MIA2: variants seen among roughly 807,000 people sequenced by gnomAD.
MIA2 encodes MIA SH3 domain ER export factor 2.
Under a neutral mutation model 167.8 loss-of-function variants are expected in MIA2, and 127 were observed. The observed-to-expected ratio is 0.76, with a 90% CI of 0.66 to 0.88. MIA2 has a LOEUF of 0.88. Among genes scored for constraint, MIA2 ranks in the 40% least tolerant of loss-of-function variants. The pLI, the probability that MIA2 is intolerant of heterozygous loss-of-function variation, is 0.00. For synonymous variants in MIA2, 552 were observed against 541.9 expected, an observed-to-expected ratio of 1.02 and a Z score of -0.26; for missense variants, 1,690 against 1,624.7, an observed-to-expected ratio of 1.04 and a Z score of -0.69.
chr14:39,371,542 C>G (rs1317954491), intron 23 of MIA2, among the ~76,000 whole-genome samples: 1 of 151,860 alleles, frequency 6.6e-6, no homozygotes, highest in Non-Finnish European at 1.5e-5. Context: ...AACTAAACCT[C>G]CTGCTTTTTC....
intron 17 of MIA2, among the ~76,000 whole-genome samples, chr14:39,304,858 T>G (rs1041919781): frequency 2.0e-5 from 3 of 152,182 alleles, no homozygotes; most frequent in Non-Finnish European, 2.9e-5. Context: ...TTGAAAACAT[T>G]TATGTTTATT....
chr14:39,274,434 T>TC (rs1831431928), intron 6 of MIA2, among the ~76,000 whole-genome samples: 1 of 149,442 alleles, frequency 6.7e-6, no homozygotes, highest in African/African-American at 2.4e-5. Flanking sequence ...TTTTTTTCTT[T>TC]TTTTTTTTTT....
downstream of MIA2, among the ~76,000 whole-genome samples, chr14:39,353,999 A>G (rs1308918424): frequency 6.6e-6 from 1 of 152,112 alleles, no homozygotes; most frequent in Non-Finnish European, 1.5e-5. Context: ...AGTCTTTGCT[A>G]TTGTGAATAG....
Position 39,358,736 on chromosome 14 carries a change from T to C in MIA2, c.2248+9759T>C, listed in dbSNP as rs181037107. Among the ~76,000 whole-genome samples, 187 of 152,226 alleles carry C rather than the reference T, an allele frequency of 1.2e-3. 2 individuals are homozygous for C. The highest frequency in any genetic ancestry group is 0.011 in the Admixed American group (175 of 15,264). ...GATGTACAGATGGGGTTTTGGTGTT[T>C]ATGTCCTTTCTGTTTGTTAGTTTTC... On this transcript the variant is annotated intron_variant, in intron 23 of 23. Coordinates refer to the MIA2 transcript ENST00000341502.
intron 25 of MIA2, among the ~76,000 whole-genome samples, chr14:39,334,844 A>C (rs1251947721): frequency 1.3e-5 from 2 of 152,194 alleles, no homozygotes; most frequent in Non-Finnish European, 2.9e-5. Context: ...CTGTGATTAC[A>C]GGTGTGAGCC....
At chr14:39,317,793 CTTT>C (rs2065759587) in intron 21 of MIA2, 148 bp from the exon 22 acceptor site, 2 of 460,564 alleles carry the variant, frequency 4.3e-6, no homozygotes, top group South Asian at 6.7e-5. Flanking sequence ...AAGTCTTACA[CTTT>C]TTCTTACTTC....
At chr14:39,275,089 A>AT (rs35976478) in intron 6 of MIA2, among the ~76,000 whole-genome samples, 4 of 45,612 alleles carry the variant, frequency 8.8e-5, no homozygotes, top group African/African-American at 1.3e-4. Flanking sequence ...AAAAAAAAAA[A>AT]TTTTTTTTTT....
intron 25 of MIA2, among the ~76,000 whole-genome samples, chr14:39,343,903 T>C (rs950152360): frequency 6.6e-6 from 1 of 152,232 alleles, no homozygotes; most frequent in South Asian, 2.1e-4. Context: ...TCTTTACTTT[T>C]CTTTCAGGGC....
chr14:39,368,646 T>C (rs574223643), intron 23 of MIA2, among the ~76,000 whole-genome samples: 6 of 147,892 alleles, frequency 4.1e-5, no homozygotes, highest in East Asian at 3.9e-4. Context: ...ACTTTTCTTA[T>C]ATTTTTAGTC....
intron 23 of MIA2, among the ~76,000 whole-genome samples, chr14:39,362,857 G>A (rs541159320): frequency 5.9e-4 from 90 of 152,142 alleles, no homozygotes; most frequent in African/African-American, 1.9e-3. Context: ...GTATTACATG[G>A]GGTTTGGTGT....
At chr14:39,378,240 A>G (rs2075082118) in intron 23 of MIA2, among the ~76,000 whole-genome samples, 1 of 152,232 alleles carries the variant, frequency 6.6e-6, no homozygotes. Context: ...CTTGACTTTG[A>G]AAAACAAAAA....
chr14:39,381,997 C>T (rs1482817594), intron 23 of MIA2, among the ~76,000 whole-genome samples: 1 of 152,104 alleles, frequency 6.6e-6, no homozygotes, highest in Non-Finnish European at 1.5e-5. Flanking sequence ...CCTAGTTCAG[C>T]TAACTAGGAA....
intron 23 of MIA2, among the ~76,000 whole-genome samples, chr14:39,377,682 A>C (rs1354656394): frequency 6.6e-6 from 1 of 152,170 alleles, no homozygotes; most frequent in Non-Finnish European, 1.5e-5. Flanking sequence ...TGTAAAATAC[A>C]TTTTAGACCT....
intron 1 of MIA2, among the ~76,000 whole-genome samples, chr14:39,235,135 A>G (rs1312237827): frequency 6.6e-6 from 1 of 151,784 alleles, no homozygotes; most frequent in African/African-American, 2.4e-5. Flanking sequence ...TCCCAGGTTC[A>G]AGCGATTCTC....
At chr14:39,328,699 C>T (rs1011897641) in intron 25 of MIA2, among the ~76,000 whole-genome samples, 15 of 152,182 alleles carry the variant, frequency 9.9e-5, no homozygotes, top group Admixed American at 1.3e-4. Flanking sequence ...GCCATTTTTC[C>T]GAACGCAATT....
chr14:39,264,120 C>T (rs2055296063), intron 6 of MIA2, among the ~76,000 whole-genome samples: 1 of 152,074 alleles, frequency 6.6e-6, no homozygotes. Context: ...ATTTTTGAGT[C>T]CCTAGTGTTT....
intron 3 of MIA2, among the ~76,000 whole-genome samples, chr14:39,242,094 G>A (rs564045920): frequency 3.9e-5 from 6 of 152,280 alleles, no homozygotes; most frequent in Admixed American, 2.0e-4. Flanking sequence ...TTTAATATCT[G>A]GATTGTGGTG....
At chr14:39,314,629 T>TTTTTA in intron 19 of MIA2, 110 bp from the exon 20 acceptor site, 2 of 487,340 alleles carry the variant, frequency 4.1e-6, no homozygotes, top group East Asian at 4.0e-5. Context: ...TTTTTTTTTT[T>TTTTTA]CATGAAGTAG....
Position 39,267,442 on chromosome 14 carries a change from G to A in MIA2, c.1888-9492G>A, listed in dbSNP as rs745869917. The A allele has an allele frequency of 1.9e-6, 3 of 1,611,840 alleles. No individual in the cohort carries two copies. The African/African-American group carries it at 4.0e-5, about 22-fold the overall frequency. ...AGGCCGGGGTTACTGTGGCGACCAC[G>A]AGAGCAGCTTTGGCGCTATGGAGGA... On this transcript the variant is annotated intron_variant, in intron 6 of 28. Coordinates refer to ENST00000640607, the MANE Select transcript of MIA2 (RefSeq NM_001329214.4).
Sources: allele counts gnomAD v4.1 joint callset (sites outside exome capture counted in the v4.1 genomes callset), GRCh38; gene constraint gnomAD v4.1.1; transcripts MANE v1.5; gene names NCBI Gene and HGNC (gene_info 2026-07-23, HGNC 2026-07-21).